The following EFHC1 variants were observed in gnomAD, a reference collection of about 807,000 sequenced individuals.
EFHC1 encodes EF-hand domain-containing protein 1.
In EFHC1, 53 loss-of-function variants were observed where a neutral mutation model predicts 69.9. The observed-to-expected ratio is 0.76, with a 90% confidence interval of 0.61 to 0.95. The LOEUF (loss-of-function observed/expected upper bound fraction) is 0.95. Ranked by LOEUF, EFHC1 falls within the 40% of genes least tolerant of loss-of-function variation. EFHC1 has a pLI of 0.00. For synonymous variants in EFHC1, 256 were observed against 278.4 expected (o/e 0.92, Z 0.80); for missense variants, 739 against 798.7 (o/e 0.93, Z 0.90).
At chr6:52,459,983 T>C (rs1765128475) in intron 5 of EFHC1, among the ~76,000 whole-genome samples, 1 of 152,194 alleles carries the variant, frequency 6.6e-6, no homozygotes, top group Admixed American at 6.5e-5. Flanking sequence ...GCTGACAGTT[T>C]GTTTTTTAAA....
At chr6:52,442,075 A>G (rs1764676929) in intron 3 of EFHC1, among the ~76,000 whole-genome samples, 3 of 152,108 alleles carry the variant, frequency 2.0e-5, no homozygotes. Context: ...CTCTCTTCCT[A>G]CTTGGATGTC....
intron 3 of EFHC1, among the ~76,000 whole-genome samples, chr6:52,443,828 G>A (rs1445739172): frequency 6.6e-6 from 1 of 152,194 alleles, no homozygotes; most frequent in Admixed American, 6.5e-5. Flanking sequence ...TGTGAAGAAA[G>A]TCATTGGTAG....
chr6:52,471,344 A>C (rs1173197759), intron 7 of EFHC1, among the ~76,000 whole-genome samples: 1 of 152,192 alleles, frequency 6.6e-6, no homozygotes, highest in Non-Finnish European at 1.5e-5. Flanking sequence ...GTGATCCTGG[A>C]TTATAATAAC....
At chr6:52,441,458 T>A (rs1764662687) in intron 3 of EFHC1, among the ~76,000 whole-genome samples, 1 of 152,208 alleles carries the variant, frequency 6.6e-6, no homozygotes, top group East Asian at 1.9e-4. Flanking sequence ...TCCATTGGTC[T>A]ATGTGTCTGT....
At chr6:52,482,727 C>T (rs1765706800) in intron 9 of EFHC1, 1 of 398,214 alleles carries the variant, frequency 2.5e-6, no homozygotes, top group African/African-American at 2.1e-5. Context: ...ATTTTATAGG[C>T]ATCTGGGATA....
intron 5 of EFHC1, among the ~76,000 whole-genome samples, chr6:52,460,238 G>A (rs931279343): frequency 1.3e-5 from 2 of 152,152 alleles, no homozygotes; most frequent in Non-Finnish European, 2.9e-5. Flanking sequence ...CAACATGAAT[G>A]AATCTCAAAG....
At chr6:52,449,020 C>T (rs1384324108) in intron 3 of EFHC1, among the ~76,000 whole-genome samples, 1 of 152,156 alleles carries the variant, frequency 6.6e-6, no homozygotes, top group East Asian at 1.9e-4. Flanking sequence ...CAGAATGATG[C>T]TGGCCTCATA....
At position 52,438,175 on chromosome 6, in the gene EFHC1, T is replaced by C. The variant is rs919740967; in HGVS notation, c.286-129T>C. 4 of 906,048 alleles carry C rather than the reference T, an allele frequency of 4.4e-6. No homozygotes were observed. The African/African-American group carries it at 5.0e-5, about 11-fold the overall frequency. 56.1% of individuals were successfully genotyped at this position (906,048 alleles called of 1,614,324 possible). On this transcript the variant is annotated intron_variant, in intron 2 of 10. Transcript: ENST00000371068. The stretch of plus-strand genomic sequence containing the variant: ...ATCTGTAGTTTTAGAGTATCAAGAT[T>C]TACAGGATAGAAGTGATGAGTGTTA...
At chr6:52,423,854 A>C (rs1764242835) in intron 1 of EFHC1, 92 bp from the exon 2 acceptor site, 17 of 1,567,370 alleles carry the variant, frequency 1.1e-5, no homozygotes, top group Non-Finnish European at 1.5e-5. Context: ...CTTATAAGCA[A>C]AGATTCAAGT....
In EFHC1 at chr6:52,430,515, G is replaced by A. The variant is rs554933994; in HGVS notation, c.285+6348G>A. 11 of 152,232 alleles carry A rather than the reference G, an allele frequency of 7.2e-5. No homozygotes were observed. In the East Asian group the frequency reaches 2.1e-3, roughly 29 times the overall value. The allele number at this position is 152,232 out of a possible 1,614,324, so 9.4% of individuals were successfully genotyped here. ...GTTTATGTGGTGTATCACATTTATT[G>A]ACTTGCGTATGTTAAATCATCCCTG... On this transcript the variant is annotated intron_variant, in intron 2 of 10. Coordinates refer to ENST00000371068, the MANE Select transcript of EFHC1 (RefSeq NM_018100.4).
intron 2 of EFHC1, chr6:52,430,485 A>G (rs535219830): frequency 1.8e-4 from 28 of 152,090 alleles, no homozygotes; most frequent in African/African-American, 6.5e-4. Flanking sequence ...TTTGTTTTTA[A>G]TTCTGTTTAT....
At position 52,423,756 on chromosome 6, in the gene EFHC1, T is replaced by G. The variant is rs559845792; in HGVS notation, c.64-190T>G. On this transcript the variant is annotated intron_variant, in intron 1 of 10. Coordinates refer to ENST00000371068, the MANE Select transcript of EFHC1 (RefSeq NM_018100.4). ...CTGGGGCTGAAGTGATTCTCCCTCTTCAGCCTCCCAGAGTTCTGGGATTAT... is the reference window on the plus strand; with the variant it reads ...CTGGGGCTGAAGTGATTCTCCCTCTGCAGCCTCCCAGAGTTCTGGGATTAT... 1.1e-4 allele frequency: 150 copies of G among 1,416,134 alleles called. 1 individual carries two copies. In the South Asian group the frequency reaches 1.4e-3, roughly 13 times the overall value. 87.7% of individuals were successfully genotyped at this position (1,416,134 alleles called of 1,614,324 possible). A position where few individuals can be genotyped will look rare whatever the true frequency, so the allele number is the denominator to read the frequency against.
rs1002931252 is a variant in EFHC1 at position 52,478,920 on chromosome 6, T to A, written c.1279-117T>A. The A allele has an allele frequency of 5.5e-5, 53 of 968,568 alleles. No individual in the cohort carries two copies. The African/African-American group carries it at 8.1e-4, about 15-fold the overall frequency. 60.0% of individuals were successfully genotyped at this position (968,568 alleles called of 1,614,324 possible). On this transcript the variant is annotated intron_variant, in intron 7 of 10. Coordinates refer to ENST00000371068, the MANE Select transcript of EFHC1 (RefSeq NM_018100.4). ...TTCCCCATAGATGGTTTGTTTATAT[T>A]GTAAAAACCCAGACTGCTTCATTTA...
intron 9 of EFHC1, chr6:52,487,841 A>G (rs1765818417): frequency 1.3e-5 from 2 of 152,294 alleles, no homozygotes; most frequent in African/African-American, 4.8e-5. Flanking sequence ...TGTTGGACAT[A>G]ACCAGCTGGC....
chr6:52,492,473 A>G lies in EFHC1; in HGVS notation c.*132A>G, dbSNP rs776281497. The G allele has an allele frequency of 6.7e-6, 6 of 900,830 alleles. No homozygotes were observed. In the South Asian group the frequency reaches 7.0e-5, roughly 11 times the overall value. The allele number at this position is 900,830 out of a possible 1,614,324, so 55.8% of individuals were successfully genotyped here. On this transcript the variant is annotated 3_prime_UTR_variant, in exon 11 of 11. Transcript: ENST00000371068. ...CTGTTTTGGTTCTTCTTTCACTCCTACTGAAGTCGAAACTAAATTGGATCT... is the reference window on the plus strand; with the variant it reads ...CTGTTTTGGTTCTTCTTTCACTCCTGCTGAAGTCGAAACTAAATTGGATCT...
chr6:52,434,415 T>A (rs1764485319), intron 2 of EFHC1, among the ~76,000 whole-genome samples: 1 of 152,158 alleles, frequency 6.6e-6, no homozygotes, highest in Admixed American at 6.5e-5. Flanking sequence ...CAGCTCCAGG[T>A]AAGGTCAGAA....
In EFHC1 at chr6:52,493,388, T is replaced by A. The variant is rs1429374316; in HGVS notation, c.*1047T>A. On this transcript the variant is annotated 3_prime_UTR_variant, in exon 11 of 11. Coordinates refer to ENST00000371068, the MANE Select transcript of EFHC1 (RefSeq NM_018100.4). ...TACATATATATATATATATATATTT[T>A]ATATGTACACATTCATACACACACA... 7 of 119,708 alleles carry A rather than the reference T, an allele frequency of 5.8e-5. No individual in the cohort carries two copies. The highest frequency in any genetic ancestry group is 1.0e-4 in the Non-Finnish European group (6 of 57,740). The allele number at this position is 119,708 out of a possible 1,614,324, so 7.4% of individuals were successfully genotyped here.
At chr6:52,440,704 T>A (rs1181448176) in intron 3 of EFHC1, among the ~76,000 whole-genome samples, 1 of 152,156 alleles carries the variant, frequency 6.6e-6, no homozygotes, top group African/African-American at 2.4e-5. Flanking sequence ...CTTTTAGGAA[T>A]CACTACACTG....
chr6:52,444,489 T>C (rs1216482844), intron 3 of EFHC1, among the ~76,000 whole-genome samples: 1 of 152,246 alleles, frequency 6.6e-6, no homozygotes, highest in Non-Finnish European at 1.5e-5. Flanking sequence ...TTGAGAGGTT[T>C]TAGCATGAAG....
Sources: gnomAD v4.1 joint callset for allele counts (sites outside exome capture counted in the v4.1 genomes callset) on GRCh38, gnomAD v4.1.1 for gene constraint, MANE v1.5 for transcripts, NCBI Gene and HGNC (gene_info 2026-07-23, HGNC 2026-07-21) for gene names.